The following ANGPT1 variants were observed in gnomAD, a reference collection of about 807,000 sequenced individuals.
ANGPT1 encodes the protein angiopoietin-1.
In ANGPT1, 17 loss-of-function variants were observed where a neutral mutation model predicts 62.2. The ratio of observed to expected loss-of-function variants is 0.27; its 90% CI spans 0.19 to 0.41. ANGPT1 has a LOEUF of 0.41. Ranked by LOEUF, ANGPT1 falls within the 10% of genes least tolerant of loss-of-function variation. The probability of loss-of-function intolerance (pLI) is 1.00; values close to 1 mark genes in which losing one functional copy is unlikely to be tolerated. For synonymous variants in ANGPT1, 199 were observed against 198.9 expected, an observed-to-expected ratio of 1.00 and a Z score of 0.00; for missense variants, 478 against 594.9, an observed-to-expected ratio of 0.80 and a Z score of 2.04.
chr8:107,279,892 T>C (rs1813960282), intron 7 of ANGPT1, among the ~76,000 whole-genome samples: 1 of 151,812 alleles, frequency 6.6e-6, no homozygotes, highest in Admixed American at 6.6e-5. Context: ...GAGCACAGAG[T>C]ATCCAAATTG....
At chr8:107,324,215 A>ATATG (rs1446823991) in intron 3 of ANGPT1, among the ~76,000 whole-genome samples, 2,648 of 144,798 alleles carry the variant, frequency 0.018, 38 homozygotes, top group African/African-American at 0.032. Context: ...GTATATATAT[A>ATATG]TGTGTGTGTG....
At position 107,370,368 on chromosome 8, in the gene ANGPT1, G is replaced by GAAA. The variant is rs1563590995; in HGVS notation, c.298-23274_298-23272dup. The stretch of plus-strand genomic sequence containing the variant: ...AGAAAGAAAGAAAGAAAGAAAGAAA[G>GAAA]AAAGAAAGAAAGAAAGAAAGAAAGA... On this transcript the variant is annotated intron_variant, in intron 1 of 8. Transcript: ENST00000517746. Among the ~76,000 whole-genome samples, 209 of 33,952 alleles carry GAAA rather than the reference G, an allele frequency of 6.2e-3. 26 individuals carry two copies. The highest frequency in any genetic ancestry group is 0.023 in the East Asian group (3 of 130). 22.3% of individuals were successfully genotyped at this position (33,952 alleles called of 152,430 possible). A position where few individuals can be genotyped will look rare whatever the true frequency, so the allele number is the denominator to read the frequency against.
chr8:107,298,610 T>C (rs1364392333), intron 5 of ANGPT1, among the ~76,000 whole-genome samples: 1 of 151,914 alleles, frequency 6.6e-6, no homozygotes, highest in Non-Finnish European at 1.5e-5. Context: ...TTTGAAAAGA[T>C]AACATTTCTC....
chr8:107,373,271 A>ATTT (rs767146621), intron 1 of ANGPT1, among the ~76,000 whole-genome samples: 2 of 57,252 alleles, frequency 3.5e-5, no homozygotes, highest in African/African-American at 8.3e-5. Flanking sequence ...TACAAAATAG[A>ATTT]TTTTTTTTTT....
At chr8:107,457,854 ACAC>A (rs1474351489) in intron 1 of ANGPT1, among the ~76,000 whole-genome samples, 1 of 150,338 alleles carries the variant, frequency 6.7e-6, no homozygotes, top group Non-Finnish European at 1.5e-5. Flanking sequence ...ACACACACAC[ACAC>A]ACACACACAC....
chr8:107,394,189 G>A (rs964605530), intron 1 of ANGPT1, among the ~76,000 whole-genome samples: 10 of 152,146 alleles, frequency 6.6e-5, no homozygotes, highest in African/African-American at 2.4e-4. Flanking sequence ...TTTTCCACTT[G>A]AAGAAACTGA....
chr8:107,497,437 C>T lies in ANGPT1; in HGVS notation c.122G>A (p.Cys41Tyr), dbSNP rs1158384181. ...RRYNRIQHGQCAYTFILPEHD... is the reference protein window; with the variant it reads ...RRYNRIQHGQYAYTFILPEHD... ...TTCTGGAAGAATGAAAGTGTAGGCACATTGCCCATGTTGAATCCGGTTATA... is the reference window on the plus strand; with the variant it reads ...TTCTGGAAGAATGAAAGTGTAGGCATATTGCCCATGTTGAATCCGGTTATA... The change falls in exon 1 of 9, where the codon TGT becomes TAT. Residue 41 changes from cysteine to tyrosine, a missense_variant. Coordinates refer to ENST00000517746, the MANE Select transcript of ANGPT1 (RefSeq NM_001146.5). 4 of 1,614,150 alleles carry T rather than the reference C, an allele frequency of 2.5e-6. No individual in the cohort carries two copies. Among genetic ancestry groups the T allele is most frequent in the Non-Finnish European group, 3.4e-6 (4 of 1,180,020 alleles).
intron 6 of ANGPT1, among the ~76,000 whole-genome samples, chr8:107,293,443 C>T (rs893360634): frequency 6.6e-6 from 1 of 152,160 alleles, no homozygotes; most frequent in African/African-American, 2.4e-5. Context: ...ACAAGTGCTA[C>T]GTAAGAAGTC....
intron 1 of ANGPT1, among the ~76,000 whole-genome samples, chr8:107,366,836 T>C (rs916154088): frequency 6.6e-6 from 1 of 152,138 alleles, no homozygotes; most frequent in Non-Finnish European, 1.5e-5. Flanking sequence ...AATATTGCAT[T>C]GTAAATGGCA....
chr8:107,277,403 G>A (rs961461015), intron 7 of ANGPT1, among the ~76,000 whole-genome samples: 1 of 151,976 alleles, frequency 6.6e-6, no homozygotes, highest in Admixed American at 6.6e-5. Context: ...ATTTCCAACT[G>A]GTAAATTCTA....
At chr8:107,429,685 T>A (rs1010593669) in intron 1 of ANGPT1, among the ~76,000 whole-genome samples, 1 of 149,318 alleles carries the variant, frequency 6.7e-6, no homozygotes, top group Non-Finnish European at 1.5e-5. Context: ...CTCTGCTGGG[T>A]TCCCAGCAAC....
chr8:107,379,948 C>T (rs1290202626), intron 1 of ANGPT1, among the ~76,000 whole-genome samples: 2 of 151,852 alleles, frequency 1.3e-5, no homozygotes, highest in African/African-American at 4.8e-5. Flanking sequence ...TTGAGATATC[C>T]CAAAGGGATA....
chr8:107,450,414 C>T (rs1811738517), intron 1 of ANGPT1, among the ~76,000 whole-genome samples: 1 of 151,968 alleles, frequency 6.6e-6, no homozygotes, highest in South Asian at 2.1e-4. Flanking sequence ...TTTCTTGACG[C>T]AGCAATATAG....
At chr8:107,357,735 A>G (rs1473358824) in intron 1 of ANGPT1, among the ~76,000 whole-genome samples, 2 of 152,194 alleles carry the variant, frequency 1.3e-5, no homozygotes, top group African/African-American at 4.8e-5. Context: ...AGCAGATGAT[A>G]TAAGATACTC....
Position 107,257,884 on chromosome 8 carries a change from TTTGTTTGTTTG to T in ANGPT1, c.1337-5880_1337-5870del, listed in dbSNP as rs1377242324. ...GCCAAGGACTTGTTTTTGTTTCTTTTTTGTTTGTTTGTTTGTTTGTTTGTTTTTGACTGTTC... is the reference window on the plus strand; with the variant it reads ...GCCAAGGACTTGTTTTTGTTTCTTTTTTTGTTTGTTTGTTTTTGACTGTTC... On this transcript the variant is annotated intron_variant, in intron 8 of 8. Coordinates refer to ENST00000517746, the MANE Select transcript of ANGPT1 (RefSeq NM_001146.5). Among the ~76,000 whole-genome samples, 78 of 95,984 alleles carry T rather than the reference TTTGTTTGTTTG, an allele frequency of 8.1e-4. 4 individuals are homozygous for T. Among genetic ancestry groups the T allele is most frequent in the African/African-American group, 2.5e-3 (67 of 27,152 alleles). 63.0% of individuals were successfully genotyped at this position (95,984 alleles called of 152,430 possible).
intron 1 of ANGPT1, among the ~76,000 whole-genome samples, chr8:107,471,684 G>A (rs1028979770): frequency 2.6e-5 from 4 of 151,950 alleles, no homozygotes; most frequent in East Asian, 3.9e-4. Context: ...TTTTTTGCAG[G>A]CCTTTTACTT....
At chr8:107,374,286 T>C (rs1586268387) in intron 1 of ANGPT1, among the ~76,000 whole-genome samples, 1 of 152,232 alleles carries the variant, frequency 6.6e-6, no homozygotes, top group East Asian at 1.9e-4. Flanking sequence ...GACTAGTTTA[T>C]CAGATATCTT....
At chr8:107,376,966 T>G (rs1326996177) in intron 1 of ANGPT1, among the ~76,000 whole-genome samples, 1 of 152,162 alleles carries the variant, frequency 6.6e-6, no homozygotes, top group East Asian at 1.9e-4. Flanking sequence ...TTTTTTTTTC[T>G]TCTAATGCTT....
At chr8:107,278,054 A>G (rs1813906645) in intron 7 of ANGPT1, among the ~76,000 whole-genome samples, 1 of 152,018 alleles carries the variant, frequency 6.6e-6, no homozygotes, top group South Asian at 2.1e-4. Context: ...TTTAATTTAA[A>G]AAGTCTGTTT....
Sources: gnomAD v4.1 joint callset for allele counts (sites outside exome capture counted in the v4.1 genomes callset) on GRCh38, gnomAD v4.1.1 for gene constraint, MANE v1.5 for transcripts, NCBI Gene and HGNC (gene_info 2026-07-23, HGNC 2026-07-21) for gene names.